ZDHHC15: variants seen among roughly 807,000 people sequenced by gnomAD.
The protein encoded by ZDHHC15 is zDHHC palmitoyltransferase 15, also known as palmitoyltransferase ZDHHC15.
A neutral mutation model predicts 31.7 loss-of-function variants in ZDHHC15; 19 were observed. That is an observed-to-expected ratio of 0.60 (90% CI 0.42 to 0.88). The LOEUF is 0.88. ZDHHC15 is among the 40% of genes least tolerant of loss of function. The probability of loss-of-function intolerance (pLI) is 0.00; values close to 1 mark genes in which losing one functional copy is unlikely to be tolerated. For missense variants in ZDHHC15, 209 were observed against 251.2 expected (o/e 0.83, Z 1.14); for synonymous variants, 103 against 90.0 (o/e 1.14, Z -0.82).
chrX:75,483,479 A>T (rs1193808193), intron 2 of ZDHHC15, among the ~76,000 whole-genome samples: 3 of 110,924 alleles, frequency 2.7e-5, no homozygotes, highest in Non-Finnish European at 3.8e-5. Context: ...AAGTGGGAAG[A>T]TCACTTGAGC....
intron 1 of ZDHHC15, among the ~76,000 whole-genome samples, chrX:75,513,160 C>T (rs920292530): frequency 9.0e-6 from 1 of 111,191 alleles, no homozygotes; most frequent in African/African-American, 3.3e-5. Context: ...AAGATTTAAA[C>T]GTTAGACCTA....
intron 2 of ZDHHC15, among the ~76,000 whole-genome samples, chrX:75,483,067 A>T (rs909848143): frequency 2.3e-5 from 2 of 88,561 alleles, no homozygotes; most frequent in South Asian, 9.8e-4. Context: ...ATATGTGTAT[A>T]TATATGTGTA....
At chrX:75,493,423 T>C (rs1005312781) in intron 2 of ZDHHC15, among the ~76,000 whole-genome samples, 3 of 111,841 alleles carry the variant, frequency 2.7e-5, no homozygotes, top group African/African-American at 6.5e-5. Flanking sequence ...TCCTCCCTAA[T>C]TCATTTTATG....
chrX:75,468,149 G>A (rs1004666960), intron 3 of ZDHHC15, among the ~76,000 whole-genome samples: 1 of 108,162 alleles, frequency 9.2e-6, no homozygotes, highest in Non-Finnish European at 1.9e-5. Context: ...GGGTTCAAGC[G>A]ACTCTCCTGC....
At chrX:75,432,460 A>C (rs2083792629) in intron 4 of ZDHHC15, among the ~76,000 whole-genome samples, 1 of 112,180 alleles carries the variant, frequency 8.9e-6, no homozygotes, top group Admixed American at 9.5e-5. Context: ...GAAGTATGTG[A>C]GTGACTAAAG....
chrX:75,379,304 A>C (rs905780780), intron 10 of ZDHHC15, 106 bp from the exon 11 acceptor site: 1 of 798,972 alleles, frequency 1.3e-6, no homozygotes, highest in Non-Finnish European at 1.9e-6. Flanking sequence ...CAGGCAACAG[A>C]TACCTGCAAA....
chrX:75,521,468 G>C (rs2085440238), intron 1 of ZDHHC15, among the ~76,000 whole-genome samples: 1 of 110,628 alleles, frequency 9.0e-6, no homozygotes. Flanking sequence ...GGGGAACGGG[G>C]GGAATTAAAG....
intron 3 of ZDHHC15, among the ~76,000 whole-genome samples, chrX:75,472,987 G>T (rs915540002): frequency 8.9e-6 from 1 of 112,093 alleles, no homozygotes; most frequent in Non-Finnish European, 1.9e-5. Flanking sequence ...TACTGACTCC[G>T]AATACAGGTT....
chrX:75,384,541 A>G (rs2083159307), intron 10 of ZDHHC15: 1 of 828,867 alleles, frequency 1.2e-6, no homozygotes, highest in Admixed American at 2.2e-5. Context: ...AAGAGTCTAC[A>G]ATGTTACCCA....
chrX:75,449,645 T>C (rs1488229451), intron 4 of ZDHHC15, among the ~76,000 whole-genome samples: 3 of 112,256 alleles, frequency 2.7e-5, no homozygotes, highest in African/African-American at 6.5e-5. Flanking sequence ...TATCATATAA[T>C]ACCAAGAACA....
Position 75,502,797 on chromosome X carries a change from G to A in ZDHHC15, c.163+3024C>T, listed in dbSNP as rs776493797. Among the ~76,000 whole-genome samples, 10 of 111,040 alleles carry A rather than the reference G, an allele frequency of 9.0e-5. No individual in the cohort carries two copies. In the South Asian group the frequency reaches 2.2e-3, roughly 25 times the overall value. On this transcript the variant is annotated intron_variant, in intron 2 of 11. Transcript: ENST00000373367. The stretch of plus-strand genomic sequence containing the variant: ...AGTCATGATCTTCAAAATATGGATA[G>A]TATGATGCTGAATGAAATCATCTAT...
At chrX:75,427,295 A>AG (rs1330869567) in intron 7 of ZDHHC15, among the ~76,000 whole-genome samples, 2 of 109,112 alleles carry the variant, frequency 1.8e-5, no homozygotes, top group Non-Finnish European at 3.8e-5. Flanking sequence ...TGTGGAGAAA[A>AG]AAAATGAGGG....
chrX:75,405,117 T>A (rs1007811309), intron 10 of ZDHHC15, among the ~76,000 whole-genome samples: 2 of 111,758 alleles, frequency 1.8e-5, no homozygotes, highest in Admixed American at 9.5e-5. Context: ...CTTAGCAAAC[T>A]AACTGAGGAA....
chrX:75,443,344 C>A (rs1242214234), intron 4 of ZDHHC15, among the ~76,000 whole-genome samples: 1 of 111,001 alleles, frequency 9.0e-6, no homozygotes, highest in Non-Finnish European at 1.9e-5. Context: ...CTTTGACAAA[C>A]CTGAAAAAAA....
chrX:75,410,650 T>C (rs1015460319), intron 10 of ZDHHC15, among the ~76,000 whole-genome samples: 3 of 111,877 alleles, frequency 2.7e-5, no homozygotes, highest in African/African-American at 9.8e-5. Context: ...TGTAAATTAG[T>C]ACAGTCACTA....
intron 10 of ZDHHC15, among the ~76,000 whole-genome samples, chrX:75,414,327 T>G (rs2083520208): frequency 9.0e-6 from 1 of 111,041 alleles, no homozygotes; most frequent in South Asian, 3.8e-4. Flanking sequence ...TTTGCTGTGC[T>G]AATACAAGGC....
intron 1 of ZDHHC15, among the ~76,000 whole-genome samples, chrX:75,513,859 A>T (rs774578195): frequency 5.3e-4 from 55 of 104,711 alleles, no homozygotes; most frequent in African/African-American, 1.7e-3. Context: ...GAAAGCAGGA[A>T]AATTGACTTT....
chrX:75,519,339 G>C (rs2085412859), intron 1 of ZDHHC15, among the ~76,000 whole-genome samples: 1 of 111,331 alleles, frequency 9.0e-6, no homozygotes, highest in African/African-American at 3.3e-5. Flanking sequence ...CTCTTATAAT[G>C]TGTTGTGAAC....
intron 4 of ZDHHC15, among the ~76,000 whole-genome samples, chrX:75,449,859 T>G (rs1466040363): frequency 8.9e-6 from 1 of 112,091 alleles, no homozygotes; most frequent in Non-Finnish European, 1.9e-5. Flanking sequence ...CTGTATGTTT[T>G]CAAAATTTAA....
Sources: allele counts gnomAD v4.1 joint callset (sites outside exome capture counted in the v4.1 genomes callset), GRCh38; gene constraint gnomAD v4.1.1; transcripts MANE v1.5; gene names NCBI Gene and HGNC (gene_info 2026-07-23, HGNC 2026-07-21).